The following SPATA6 variants were observed in gnomAD, a reference collection of about 807,000 sequenced individuals.
The protein encoded by SPATA6 is spermatogenesis-associated protein 6.
SPATA6 carries 56 observed loss-of-function variants against 65.3 expected under a neutral mutation model. The observed-to-expected ratio is 0.86, with a 90% confidence interval of 0.69 to 1.07. SPATA6 has a LOEUF of 1.07. Ranked by LOEUF, SPATA6 falls within the 50% of genes least tolerant of loss-of-function variation. SPATA6 has a pLI of 0.00. For synonymous variants in SPATA6, 199 were observed against 213.2 expected, an observed-to-expected ratio of 0.93 and a Z score of 0.58; for missense variants, 590 against 594.8, an observed-to-expected ratio of 0.99 and a Z score of 0.08.
At chr1:48,288,708 T>G in the SPATA6 span, among the ~76,000 whole-genome samples, 2 of 152,200 alleles carry the variant, frequency 1.3e-5, no homozygotes, top group Non-Finnish European at 2.9e-5. Flanking sequence ...ATCCCGTGCC[T>G]GGCTCGGAGG....
intron 3 of SPATA6, among the ~76,000 whole-genome samples, chr1:48,417,538 G>A (rs559455157): frequency 6.6e-5 from 10 of 152,226 alleles, no homozygotes; most frequent in African/African-American, 1.4e-4. Context: ...CAGGGAGGCC[G>A]GATGAGGTGG....
chr1:48,394,047 A>C (rs1570434647), intron 8 of SPATA6, among the ~76,000 whole-genome samples: 2 of 152,178 alleles, frequency 1.3e-5, no homozygotes, highest in Non-Finnish European at 2.9e-5. Context: ...ACTCATATAC[A>C]GACAGAGGAA....
At chr1:48,292,653 A>C (rs1644775628), downstream of SPATA6, among the ~76,000 whole-genome samples, 1 of 152,268 alleles carries the variant, frequency 6.6e-6, no homozygotes, top group Admixed American at 6.5e-5. Flanking sequence ...ATGTGGCTGC[A>C]ACAGCCAAAG....
At chr1:48,412,808 G>A (rs13375135) in intron 4 of SPATA6, among the ~76,000 whole-genome samples, 5,378 of 151,918 alleles carry the variant, frequency 0.035, 310 homozygotes, top group African/African-American at 0.12. Flanking sequence ...TAGTAGAGAC[G>A]GGGTTTCACC....
intron 11 of SPATA6, among the ~76,000 whole-genome samples, chr1:48,347,979 AC>A (rs1213694137): frequency 6.6e-6 from 1 of 151,564 alleles, no homozygotes; most frequent in Non-Finnish European, 1.5e-5. Context: ...ATCCTTAAAA[AC>A]CCTAGCCTCT....
At chr1:48,372,011 C>A (rs1221471805) in intron 9 of SPATA6, among the ~76,000 whole-genome samples, 1 of 152,130 alleles carries the variant, frequency 6.6e-6, no homozygotes, top group African/African-American at 2.4e-5. Flanking sequence ...CTGGGAGATA[C>A]AATTCAAGTT....
intron 3 of SPATA6, among the ~76,000 whole-genome samples, chr1:48,428,528 GA>G (rs1654057113): frequency 1.3e-5 from 2 of 152,028 alleles, no homozygotes; most frequent in African/African-American, 4.8e-5. Context: ...AGAAACTAGG[GA>G]AAAACATTAA....
At position 48,452,253 on chromosome 1, in the gene SPATA6, G is replaced by A. The variant is rs114595764; in HGVS notation, c.190-653C>T. ...ACGGAAAAAGGGAAGGAAGGAAGGC[G>A]AGAAGGAAGGAAAGAAAGTGAGAAA... On this transcript the variant is annotated intron_variant, in intron 2 of 12. Coordinates refer to ENST00000371847, the MANE Select transcript of SPATA6 (RefSeq NM_019073.4). Among the ~76,000 whole-genome samples the A allele has an allele frequency of 5.3e-3, 810 of 152,112 alleles. 10 individuals are homozygous for A. Among genetic ancestry groups the A allele is most frequent in the African/African-American group, 0.019 (788 of 41,490 alleles).
At chr1:48,315,044 T>A (rs1030195294) in intron 11 of SPATA6, among the ~76,000 whole-genome samples, 3 of 152,082 alleles carry the variant, frequency 2.0e-5, no homozygotes, top group Admixed American at 2.0e-4. Flanking sequence ...ATTGAGGCAA[T>A]AATTAATAGC....
intron 1 of SPATA6, among the ~76,000 whole-genome samples, chr1:48,453,390 G>A (rs1209979410): frequency 6.6e-6 from 1 of 152,130 alleles, no homozygotes; most frequent in East Asian, 1.9e-4. Flanking sequence ...ACTAGCTCTT[G>A]GGACAGACAC....
intron 3 of SPATA6, among the ~76,000 whole-genome samples, chr1:48,434,255 G>GA (rs1491260601): frequency 0.03 from 999 of 32,798 alleles, 18 homozygotes; most frequent in African/African-American, 0.066. Context: ...ATACAGCAGT[G>GA]AAAGAAAAAA....
intron 11 of SPATA6, among the ~76,000 whole-genome samples, chr1:48,346,979 T>C (rs1319851471): frequency 4.6e-5 from 7 of 151,956 alleles, no homozygotes; most frequent in African/African-American, 1.7e-4. Context: ...AAAATTCATA[T>C]TAAACCAAAA....
intron 3 of SPATA6, among the ~76,000 whole-genome samples, chr1:48,415,355 G>A (rs769690989): frequency 6.6e-6 from 1 of 152,178 alleles, no homozygotes; most frequent in Non-Finnish European, 1.5e-5. Context: ...TTGTTATCAG[G>A]CATATAAGTG....
chr1:48,442,671 G>T (rs531318539), intron 3 of SPATA6, among the ~76,000 whole-genome samples: 1 of 105,502 alleles, frequency 9.5e-6, no homozygotes, highest in African/African-American at 3.7e-5. Flanking sequence ...GAGTCAGAAA[G>T]AGAGAAAGAG....
intron 10 of SPATA6, 151 bp downstream of exon 10, chr1:48,359,435 T>C (rs1169266630): frequency 2.5e-6 from 2 of 809,740 alleles, no homozygotes; most frequent in Non-Finnish European, 3.7e-6. Flanking sequence ...CATTATCTAA[T>C]ATGTAATATA....
At position 48,361,344 on chromosome 1, in the gene SPATA6, AC is replaced by A. The variant is rs781407282; in HGVS notation, c.910-1575del. ...AATGTATTTTAAGGAAGGGGGAGTA[AC>A]TAATGGGTAAATATAACTTGATAGG... is the stretch of plus-strand genomic sequence containing the variant. On this transcript the variant is annotated intron_variant, in intron 9 of 12. Transcript: ENST00000371847. Among the ~76,000 whole-genome samples, 4 of 152,142 alleles carry A rather than the reference AC, an allele frequency of 2.6e-5. 1 individual carries two copies. Among genetic ancestry groups the A allele is most frequent in the Admixed American group, 2.0e-4 (3 of 15,262 alleles).
chr1:48,403,046 T>G (rs971150607), intron 6 of SPATA6, among the ~76,000 whole-genome samples: 1 of 151,806 alleles, frequency 6.6e-6, no homozygotes, highest in East Asian at 1.9e-4. Context: ...TATTGTGGCA[T>G]GTACCTGTAG....
chr1:48,272,904 A>G, the SPATA6 span, among the ~76,000 whole-genome samples: 792 of 152,148 alleles, frequency 5.2e-3, 20 homozygotes, highest in South Asian at 0.05. Context: ...AACTTTTCGT[A>G]TTCCTGTTGG....
chr1:48,417,797 C>A (rs1419998576), intron 3 of SPATA6, among the ~76,000 whole-genome samples: 1 of 152,096 alleles, frequency 6.6e-6, no homozygotes, highest in East Asian at 1.9e-4. Context: ...GCACTCCAGC[C>A]TGGGCAACAG....
Sources: allele counts gnomAD v4.1 joint callset (sites outside exome capture counted in the v4.1 genomes callset), GRCh38; gene constraint gnomAD v4.1.1; transcripts MANE v1.5; gene names NCBI Gene and HGNC (gene_info 2026-07-23, HGNC 2026-07-21).